The following TOMM20 variants were observed in gnomAD, a reference collection of about 807,000 sequenced individuals.
TOMM20 encodes mitochondrial import receptor subunit TOM20 homolog.
TOMM20 carries 10 observed loss-of-function variants against 22.1 expected under a neutral mutation model. That is an observed-to-expected ratio of 0.45 (90% CI 0.28 to 0.77). TOMM20 has a LOEUF of 0.77. Ranked by LOEUF, TOMM20 falls within the 30% of genes least tolerant of loss-of-function variation. TOMM20 has a pLI of 0.13. For missense variants in TOMM20, 121 were observed against 172.2 expected, an observed-to-expected ratio of 0.70 and a Z score of 1.66; for synonymous variants, 55 against 61.4, an observed-to-expected ratio of 0.90 and a Z score of 0.49.
At chr1:235,127,171 G>A (rs767546514) in intron 1 of TOMM20, among the ~76,000 whole-genome samples, 6 of 152,156 alleles carry the variant, frequency 3.9e-5, no homozygotes, top group Admixed American at 3.9e-4. Context: ...GCAACTACAG[G>A]ACAATAACCC....
At chr1:235,125,579 C>T (rs1253403209) in intron 1 of TOMM20, among the ~76,000 whole-genome samples, 1 of 151,982 alleles carries the variant, frequency 6.6e-6, no homozygotes, top group Non-Finnish European at 1.5e-5. Flanking sequence ...TGAAAAACTG[C>T]TCTTTTATTG....
chr1:235,123,443 C>T (rs967876467), intron 1 of TOMM20, among the ~76,000 whole-genome samples: 3 of 152,200 alleles, frequency 2.0e-5, no homozygotes, highest in Non-Finnish European at 4.4e-5. Flanking sequence ...AGAGACTGTG[C>T]CACTGCACTT....
At chr1:235,122,299 T>C in intron 2 of TOMM20, 27 bp downstream of exon 2, 1 of 1,469,044 alleles carries the variant, frequency 6.8e-7, no homozygotes, top group Non-Finnish European at 9.0e-7. Flanking sequence ...ACAAAATATA[T>C]AATTTAAACA....
At chr1:235,117,836 G>C (rs892611786) in intron 3 of TOMM20, among the ~76,000 whole-genome samples, 1 of 151,896 alleles carries the variant, frequency 6.6e-6, no homozygotes, top group Non-Finnish European at 1.5e-5. Context: ...CACTGCCAAT[G>C]TGAGGACTAT....
In TOMM20 at chr1:235,109,533, G is replaced by A. The variant is rs566340429; in HGVS notation, c.*2531C>T. On this transcript the variant is annotated 3_prime_UTR_variant, in exon 5 of 5. Coordinates refer to ENST00000366607, the MANE Select transcript of TOMM20 (RefSeq NM_014765.3). ...TTAATAAAGTCAGAATGGCAGGTGGGAGGATGGTAAAATAAACTTACCAAG... is the reference window on the plus strand; with the variant it reads ...TTAATAAAGTCAGAATGGCAGGTGGAAGGATGGTAAAATAAACTTACCAAG... 1 of 152,204 alleles carries A rather than the reference G, an allele frequency of 6.6e-6. No homozygotes were observed. The highest frequency in any genetic ancestry group is 2.4e-5 in the African/African-American group (1 of 41,452). 9.4% of individuals were successfully genotyped at this position (152,204 alleles called of 1,614,324 possible). A position where few individuals can be genotyped will look rare whatever the true frequency, so the allele number is the denominator to read the frequency against.
At chr1:235,116,926 G>T (rs894922317) in intron 3 of TOMM20, among the ~76,000 whole-genome samples, 1 of 151,468 alleles carries the variant, frequency 6.6e-6, no homozygotes, top group East Asian at 2.0e-4. Flanking sequence ...ACAAGGTCAG[G>T]AGATCGAGAC....
At chr1:235,123,111 T>A (rs1223402760) in intron 1 of TOMM20, among the ~76,000 whole-genome samples, 1 of 152,172 alleles carries the variant, frequency 6.6e-6, no homozygotes, top group African/African-American at 2.4e-5. Flanking sequence ...AGGACTACAG[T>A]GAGAAACAAA....
At chr1:235,123,468 G>C (rs1660962637) in intron 1 of TOMM20, among the ~76,000 whole-genome samples, 1 of 152,148 alleles carries the variant, frequency 6.6e-6, no homozygotes, top group African/African-American at 2.4e-5. Context: ...CTGGGCAACA[G>C]AGCGACACTC....
In TOMM20 at chr1:235,111,437, T is replaced by C. The variant is rs1488547053; in HGVS notation, c.*627A>G. The C allele has an allele frequency of 6.6e-6, 1 of 152,610 alleles. No individual in the cohort carries two copies. Among genetic ancestry groups the C allele is most frequent in the Non-Finnish European group, 1.5e-5 (1 of 68,144 alleles). 9.5% of individuals were successfully genotyped at this position (152,610 alleles called of 1,614,324 possible). A position where few individuals can be genotyped will look rare whatever the true frequency, so the allele number is the denominator to read the frequency against. Reference sequence around the variant, plus strand: ...TCCTGGTGCTATTTGCAACTACATATATTTAAAATACAAGGAGATAAATAC... The same window carrying C: ...TCCTGGTGCTATTTGCAACTACATACATTTAAAATACAAGGAGATAAATAC... On this transcript the variant is annotated 3_prime_UTR_variant, in exon 5 of 5. Transcript: ENST00000366607.
chr1:235,118,595 C>G (rs945372314), intron 3 of TOMM20, among the ~76,000 whole-genome samples: 3 of 152,228 alleles, frequency 2.0e-5, no homozygotes, highest in African/African-American at 7.2e-5. Context: ...GGCACCATCA[C>G]AGCTCACTAG....
At chr1:235,127,829 G>A (rs1661052089) in intron 1 of TOMM20, 2 of 518,882 alleles carry the variant, frequency 3.9e-6, no homozygotes, top group Non-Finnish European at 7.7e-6. Flanking sequence ...AAATAAGACT[G>A]AGCCACGGGA....
At chr1:235,116,882 T>A (rs950400153) in intron 3 of TOMM20, among the ~76,000 whole-genome samples, 1 of 152,060 alleles carries the variant, frequency 6.6e-6, no homozygotes, top group Non-Finnish European at 1.5e-5. Flanking sequence ...AAGCCTGTAA[T>A]CCCAGCACTT....
rs777725805 is a variant in TOMM20 at position 235,128,755 on chromosome 1, C to T, written c.-40G>A. 17 of 1,612,036 alleles carry T rather than the reference C, an allele frequency of 1.1e-5. No individual in the cohort carries two copies. In the South Asian group the frequency reaches 1.6e-4, roughly 16 times the overall value. On this transcript the variant is annotated 5_prime_UTR_variant, in exon 1 of 5. Coordinates refer to ENST00000366607, the MANE Select transcript of TOMM20 (RefSeq NM_014765.3). ...TGAGCGTGGACGGTGGCGGCAGGGACCGCGAAGGAGCGGTGGGCCACGAAC... is the reference window on the plus strand; with the variant it reads ...TGAGCGTGGACGGTGGCGGCAGGGATCGCGAAGGAGCGGTGGGCCACGAAC...
intron 2 of TOMM20, 46 bp from the exon 3 acceptor site, chr1:235,119,945 G>T (rs1172307275): frequency 2.3e-6 from 3 of 1,304,556 alleles, no homozygotes; most frequent in South Asian, 1.2e-5. Context: ...TATGCCAGGG[G>T]ATATAACCAA....
In TOMM20 at chr1:235,110,883, G is replaced by A. The variant is rs1199115718; in HGVS notation, c.*1181C>T. On this transcript the variant is annotated 3_prime_UTR_variant, in exon 5 of 5. Coordinates refer to ENST00000366607, the MANE Select transcript of TOMM20 (RefSeq NM_014765.3). ...ACTCAGTTCTGAAACTGTGACTACG[G>A]AGAATATGTCACTATTTGAGAATAA... The A allele has an allele frequency of 6.6e-6, 1 of 152,170 alleles. No individual in the cohort carries two copies. Among genetic ancestry groups the A allele is most frequent in the Non-Finnish European group, 1.5e-5 (1 of 68,042 alleles). The allele number at this position is 152,170 out of a possible 1,614,324, so 9.4% of individuals were successfully genotyped here.
Position 235,128,833 on chromosome 1 carries a change from GA to G in TOMM20, c.-119del. 1 of 1,510,348 alleles carries G rather than the reference GA, an allele frequency of 6.6e-7. No individual in the cohort carries two copies. Among genetic ancestry groups the G allele is most frequent in the Non-Finnish European group, 8.9e-7 (1 of 1,122,578 alleles). 93.6% of individuals were successfully genotyped at this position (1,510,348 alleles called of 1,614,324 possible). On this transcript the variant is annotated 5_prime_UTR_variant, in exon 1 of 5. Coordinates refer to ENST00000366607, the MANE Select transcript of TOMM20 (RefSeq NM_014765.3). ...CCGACGGCCGCGGGCCAGGAACACAGAAAGGCCGAGCACACGCCACTTCCGG... is the reference window on the plus strand; with the variant it reads ...CCGACGGCCGCGGGCCAGGAACACAGAAGGCCGAGCACACGCCACTTCCGG...
At chr1:235,115,765 T>C (rs1660818099) in intron 3 of TOMM20, among the ~76,000 whole-genome samples, 1 of 152,236 alleles carries the variant, frequency 6.6e-6, no homozygotes, top group African/African-American at 2.4e-5. Flanking sequence ...GTTTGTACAG[T>C]AAACAACCTC....
intron 1 of TOMM20, among the ~76,000 whole-genome samples, chr1:235,126,187 G>A (rs181898244): frequency 3.9e-4 from 60 of 152,038 alleles, no homozygotes; most frequent in African/African-American, 1.4e-3. Flanking sequence ...CCAGGATGGA[G>A]TGCAGTGGTG....
At chr1:235,113,645 A>C (rs1660778821) in intron 4 of TOMM20, 123 bp downstream of exon 4, 1 of 1,260,392 alleles carries the variant, frequency 7.9e-7, no homozygotes, top group Non-Finnish European at 1.1e-6. Context: ...GATATCTCCC[A>C]TATTGTTTTC....
Sources: gnomAD v4.1 joint callset for allele counts (sites outside exome capture counted in the v4.1 genomes callset) on GRCh38, gnomAD v4.1.1 for gene constraint, MANE v1.5 for transcripts, NCBI Gene and HGNC (gene_info 2026-07-23, HGNC 2026-07-21) for gene names.